LARGE1: variants seen among roughly 807,000 people sequenced by gnomAD.
The protein encoded by LARGE1 is xylosyl- and glucuronyltransferase LARGE1.
A neutral mutation model predicts 87.6 loss-of-function variants in LARGE1; 43 were observed. The observed-to-expected ratio is 0.49, with a 90% CI of 0.38 to 0.63. The LOEUF is 0.63. Ranked by LOEUF, LARGE1 falls within the 30% of genes least tolerant of loss-of-function variation. The pLI is 0.00. For synonymous variants in LARGE1, 434 were observed against 394.6 expected, an observed-to-expected ratio of 1.10 and a Z score of -1.18; for missense variants, 802 against 1,000.2, an observed-to-expected ratio of 0.80 and a Z score of 2.67.
At chr22:33,764,478 G>C (rs965110729) in intron 1 of LARGE1, among the ~76,000 whole-genome samples, 1 of 152,026 alleles carries the variant, frequency 6.6e-6, no homozygotes, top group Non-Finnish European at 1.5e-5. Context: ...TGCAGGCCGG[G>C]TATTACAGGT....
intron 2 of LARGE1, among the ~76,000 whole-genome samples, chr22:33,664,246 C>T (rs2081207731): frequency 6.6e-6 from 1 of 152,220 alleles, no homozygotes; most frequent in African/African-American, 2.4e-5. Context: ...GTCCCCACAT[C>T]CAAACCACAG....
chr22:33,379,157 C>A (rs1015131748), intron 9 of LARGE1, among the ~76,000 whole-genome samples: 25 of 146,582 alleles, frequency 1.7e-4, no homozygotes, highest in African/African-American at 6.2e-4. Context: ...GTCCATGGAA[C>A]TTTCAGTGGG....
chr22:33,783,615 C>G (rs2085502547), intron 1 of LARGE1, among the ~76,000 whole-genome samples: 1 of 152,172 alleles, frequency 6.6e-6, no homozygotes. Context: ...GAAGAGGTGT[C>G]TACTAAAAGT....
intron 11 of LARGE1, among the ~76,000 whole-genome samples, chr22:33,312,604 A>G (rs1935725580): frequency 1.3e-5 from 2 of 152,302 alleles, no homozygotes; most frequent in Middle Eastern, 3.4e-3. Flanking sequence ...GCCACTGGCC[A>G]CTAATATTGA....
chr22:33,067,503 A>G, the LARGE1 span, among the ~76,000 whole-genome samples: 4 of 152,134 alleles, frequency 2.6e-5, no homozygotes, highest in African/African-American at 9.7e-5. Context: ...TTATTTTCTT[A>G]TTGAATTCTT....
chr22:33,793,081 C>T (rs2085873183), intron 1 of LARGE1, among the ~76,000 whole-genome samples: 2 of 152,174 alleles, frequency 1.3e-5, no homozygotes, highest in African/African-American at 4.8e-5. Context: ...CGAGCAGTGC[C>T]ATGAAGATTT....
At position 33,712,665 on chromosome 22, in the gene LARGE1, TG is replaced by T. The variant is rs1372017296; in HGVS notation, c.106+48705del. On this transcript the variant is annotated intron_variant, in intron 2 of 14. Coordinates refer to ENST00000397394, the MANE Select transcript of LARGE1 (RefSeq NM_133642.5). Reference sequence around the variant, plus strand: ...GTGTGTGTGTGTGTGTGTGTGTGTGTGTGTGTGTGTGTGTGTGTGTCTGCAT... The same window carrying T: ...GTGTGTGTGTGTGTGTGTGTGTGTGTTGTGTGTGTGTGTGTGTGTCTGCAT... Among the ~76,000 whole-genome samples, 5 of 151,298 alleles carry T rather than the reference TG, an allele frequency of 3.3e-5. No homozygotes were observed. In the East Asian group the frequency reaches 7.8e-4, roughly 24 times the overall value.
intron 1 of LARGE1, among the ~76,000 whole-genome samples, chr22:33,824,914 G>A (rs1401015528): frequency 6.6e-6 from 1 of 152,150 alleles, no homozygotes; most frequent in Non-Finnish European, 1.5e-5. Flanking sequence ...GGGGAAGAAG[G>A]GACAGACACA....
At chr22:33,669,509 G>C (rs948820362) in intron 2 of LARGE1, among the ~76,000 whole-genome samples, 2 of 152,154 alleles carry the variant, frequency 1.3e-5, no homozygotes, top group African/African-American at 4.8e-5. Context: ...GAGTTCTTTT[G>C]GTCTGGAGGA....
chr22:33,919,846 A>G, intron 1 of LARGE1, 149 bp downstream of exon 1: 1 of 152,570 alleles, frequency 6.6e-6, no homozygotes, highest in Non-Finnish European at 1.5e-5. Flanking sequence ...CAGCCTCTCC[A>G]GGGCTCCCGG....
At chr22:33,361,196 C>A (rs1197748490) in intron 9 of LARGE1, among the ~76,000 whole-genome samples, 5 of 148,516 alleles carry the variant, frequency 3.4e-5, no homozygotes, top group Non-Finnish European at 7.5e-5. Flanking sequence ...GGTGACAGAG[C>A]AAGACTGTTT....
At chr22:33,388,515 T>G (rs967812845) in intron 7 of LARGE1, among the ~76,000 whole-genome samples, 1 of 152,242 alleles carries the variant, frequency 6.6e-6, no homozygotes, top group Non-Finnish European at 1.5e-5. Context: ...TTCACAGAAA[T>G]AGACTTGTAC....
the LARGE1 span, among the ~76,000 whole-genome samples, chr22:33,114,045 ATT>A: frequency 1.5e-5 from 2 of 135,742 alleles, no homozygotes. Context: ...TAATTTTTCT[ATT>A]TTTTTTTTTT....
intron 5 of LARGE1, among the ~76,000 whole-genome samples, chr22:33,583,790 A>G (rs1007356688): frequency 1.3e-5 from 2 of 152,188 alleles, no homozygotes; most frequent in African/African-American, 2.4e-5. Context: ...CAGTACACAC[A>G]TATCTCCCCC....
chr22:33,848,693 C>T (rs2063500973), intron 1 of LARGE1, among the ~76,000 whole-genome samples: 1 of 152,174 alleles, frequency 6.6e-6, no homozygotes, highest in Non-Finnish European at 1.5e-5. Context: ...CAATTAAAGA[C>T]CCCTCATTCT....
chr22:33,401,116 C>T (rs1037179687), intron 7 of LARGE1, among the ~76,000 whole-genome samples: 35 of 152,248 alleles, frequency 2.3e-4, no homozygotes, highest in Non-Finnish European at 3.7e-4. Flanking sequence ...TGGCTGTGTC[C>T]TCCACTTCAG....
chr22:33,391,462 C>G (rs987731929), intron 7 of LARGE1, among the ~76,000 whole-genome samples: 1 of 152,008 alleles, frequency 6.6e-6, no homozygotes, highest in Non-Finnish European at 1.5e-5. Flanking sequence ...TGAATGATGT[C>G]TACACTGAAA....
chr22:33,344,553 G>C (rs1939526710), intron 9 of LARGE1, among the ~76,000 whole-genome samples: 1 of 152,142 alleles, frequency 6.6e-6, no homozygotes, highest in Non-Finnish European at 1.5e-5. Flanking sequence ...GGTAGAAGTA[G>C]AGGCCAGCTT....
chr22:33,639,880 A>C (rs2080376754), intron 3 of LARGE1, among the ~76,000 whole-genome samples: 1 of 152,242 alleles, frequency 6.6e-6, no homozygotes, highest in Non-Finnish European at 1.5e-5. Context: ...AGAATAAGAC[A>C]GGCAGCTATT....
Sources: allele counts gnomAD v4.1 joint callset (sites outside exome capture counted in the v4.1 genomes callset), GRCh38; gene constraint gnomAD v4.1.1; transcripts MANE v1.5; gene names NCBI Gene and HGNC (gene_info 2026-07-23, HGNC 2026-07-21).